The following DCLK2 variants were observed in gnomAD, a reference collection of about 807,000 sequenced individuals.
DCLK2 encodes serine/threonine-protein kinase DCLK2.
In DCLK2, 31 loss-of-function variants were observed where a neutral mutation model predicts 78.4. That is an observed-to-expected ratio of 0.40 (90% confidence interval 0.30 to 0.53). The LOEUF (loss-of-function observed/expected upper bound fraction) is 0.53, where lower values mean the gene tolerates loss of function less well. Among genes scored for constraint, DCLK2 ranks in the 20% least tolerant of loss-of-function variants. The pLI is 0.61. For synonymous variants in DCLK2, 407 were observed against 374.9 expected (o/e 1.09, Z -0.99); for missense variants, 872 against 973.7 (o/e 0.90, Z 1.39).
At chr4:150,191,465 C>T (rs1045102544) in intron 2 of DCLK2, among the ~76,000 whole-genome samples, 1 of 152,004 alleles carries the variant, frequency 6.6e-6, no homozygotes, top group Admixed American at 6.6e-5. Context: ...AGTAGAGACG[C>T]TTGAAAACCA....
chr4:150,169,656 CAA>C (rs60421412), intron 2 of DCLK2, among the ~76,000 whole-genome samples: 10 of 98,068 alleles, frequency 1.0e-4, no homozygotes, highest in Admixed American at 2.2e-4. Context: ...AACTCCGTCT[CAA>C]AAAAAAAAAA....
chr4:150,125,898 A>C (rs578024516), intron 2 of DCLK2, among the ~76,000 whole-genome samples: 9 of 152,146 alleles, frequency 5.9e-5, no homozygotes, highest in African/African-American at 1.7e-4. Flanking sequence ...CTCAAAAAAA[A>C]ACCACAAAAA....
chr4:150,184,499 C>G (rs776261116), intron 2 of DCLK2, among the ~76,000 whole-genome samples: 4 of 152,118 alleles, frequency 2.6e-5, no homozygotes, highest in African/African-American at 9.7e-5. Flanking sequence ...GACACCAACT[C>G]CTGTGTACTT....
At chr4:150,097,172 C>CT (rs35494411) in intron 1 of DCLK2, among the ~76,000 whole-genome samples, 1,341 of 133,960 alleles carry the variant, frequency 0.01, 15 homozygotes, top group South Asian at 0.016. Flanking sequence ...AATTTCTAGC[C>CT]TTTTTTTTTT....
intron 2 of DCLK2, among the ~76,000 whole-genome samples, chr4:150,187,509 C>G (rs1413513676): frequency 6.6e-6 from 1 of 152,150 alleles, no homozygotes; most frequent in Non-Finnish European, 1.5e-5. Flanking sequence ...TCCTGACCAC[C>G]CTCTTTAGTA....
rs1332769742 is a variant in DCLK2 at position 150,203,820 on chromosome 4, T to A, written c.987T>A (p.Leu329=). Residue 329 remains leucine, a synonymous_variant, in exon 5 of 16, where the codon CTT becomes CTA. Transcript: ENST00000296550. The stretch of plus-strand genomic sequence containing the variant: ...TTAATGGAACTCCCAGCAGCCAACT[T>A]TCTACTCCTAAATCTACGAAATCCT... ...ASVNGTPSSQ[L]STPKSTKSSS... The A allele has an allele frequency of 6.2e-7, 1 of 1,614,016 alleles. No homozygotes were observed. Among genetic ancestry groups the A allele is most frequent in the Non-Finnish European group, 8.5e-7 (1 of 1,179,922 alleles).
intron 8 of DCLK2, among the ~76,000 whole-genome samples, chr4:150,225,092 T>C (rs1312478813): frequency 1.3e-5 from 2 of 152,206 alleles, no homozygotes; most frequent in Non-Finnish European, 2.9e-5. Flanking sequence ...ACTCTGAGCT[T>C]AGGAAACCCT....
intron 2 of DCLK2, among the ~76,000 whole-genome samples, chr4:150,114,737 G>A (rs992645309): frequency 1.3e-5 from 2 of 152,184 alleles, no homozygotes. Context: ...GGCTTATAAG[G>A]TTTCTGCTGA....
rs1369308037 is a variant in DCLK2, at chr4:150,220,708, T to A, written c.1062T>A (p.Ile354=). 1.2e-6 allele frequency: 2 copies of A among 1,613,114 alleles called. No individual in the cohort carries two copies. Among genetic ancestry groups the A allele is most frequent in the Admixed American group, 1.7e-5 (1 of 59,950 alleles). Residue 354 remains isoleucine (I), a synonymous_variant, in exon 6 of 16, where the codon ATT becomes ATA. Coordinates refer to ENST00000296550, the MANE Select transcript of DCLK2 (RefSeq NM_001040260.4). ...SPGSFRGLKQ[I]SAHGRSSSNV... ...TGGTCATTCTCCTCTTTCAGCAGAT[T>A]TCTGCTCATGGCAGATCTTCTTCCA...
At chr4:150,164,706 G>A (rs1474692195) in intron 2 of DCLK2, among the ~76,000 whole-genome samples, 1 of 152,184 alleles carries the variant, frequency 6.6e-6, no homozygotes, top group East Asian at 1.9e-4. Flanking sequence ...GGCTGAGGCA[G>A]GAGAATTGCT....
intron 1 of DCLK2, among the ~76,000 whole-genome samples, chr4:150,099,002 C>A (rs527547565): frequency 6.6e-6 from 1 of 150,962 alleles, no homozygotes; most frequent in Non-Finnish European, 1.5e-5. Flanking sequence ...GCCTCTCACA[C>A]TGTTATTTTT....
At chr4:150,099,167 G>C (rs1730690192) in intron 1 of DCLK2, among the ~76,000 whole-genome samples, 1 of 152,084 alleles carries the variant, frequency 6.6e-6, no homozygotes, top group Non-Finnish European at 1.5e-5. Context: ...CTGTGTAGGG[G>C]GAGGCTAATC....
In DCLK2 at chr4:150,232,714, G is replaced by A. The variant is rs779339789; in HGVS notation, c.1452G>A (p.Ser484=). 32 of 1,612,056 alleles carry A rather than the reference G, an allele frequency of 2.0e-5. No individual in the cohort carries two copies. Among genetic ancestry groups the A allele is most frequent in the Non-Finnish European group, 2.3e-5 (27 of 1,179,350 alleles). ...ATCTCTTTGATGCAATTACTTCGTC[G>A]ACCAAGTACACTGAGAGAGATGGCA... ...GGDLFDAITS[S]TKYTERDGSA... Residue 484 remains serine (S), a synonymous_variant, in exon 10 of 16, where the codon TCG becomes TCA. Transcript: ENST00000296550.
At chr4:150,156,738 CTATTTTATT>C (rs536773570) in intron 2 of DCLK2, among the ~76,000 whole-genome samples, 1 of 142,932 alleles carries the variant, frequency 7.0e-6, no homozygotes, top group Non-Finnish European at 1.5e-5. Flanking sequence ...TAGGGAGTAA[CTATTTTATT>C]TATTTATTTA....
At chr4:150,101,619 AAAAG>A (rs1730898514) in intron 1 of DCLK2, among the ~76,000 whole-genome samples, 1 of 152,092 alleles carries the variant, frequency 6.6e-6, no homozygotes, top group African/African-American at 2.4e-5. Context: ...TGACTTTCCT[AAAAG>A]AAAAATTGTG....
intron 5 of DCLK2, among the ~76,000 whole-genome samples, chr4:150,206,321 T>C (rs1225090891): frequency 6.6e-6 from 1 of 152,186 alleles, no homozygotes; most frequent in Non-Finnish European, 1.5e-5. Context: ...ATTATTATAG[T>C]AACCCCAGCA....
At chr4:150,146,065 G>A (rs1319475248) in intron 2 of DCLK2, among the ~76,000 whole-genome samples, 1 of 152,124 alleles carries the variant, frequency 6.6e-6, no homozygotes, top group Non-Finnish European at 1.5e-5. Context: ...ATCTTTAAGT[G>A]CTGGAGGCCA....
chr4:150,099,610 G>T lies in DCLK2; in HGVS notation c.422-2868G>T, dbSNP rs1022481053. Among the ~76,000 whole-genome samples, 3 of 152,306 alleles carry T rather than the reference G, an allele frequency of 2.0e-5. No homozygotes were observed. The South Asian group carries it at 6.2e-4, about 32-fold the overall frequency. On this transcript the variant is annotated intron_variant, in intron 1 of 15. Coordinates refer to ENST00000296550, the MANE Select transcript of DCLK2 (RefSeq NM_001040260.4). Reference sequence around the variant, plus strand: ...CAGTACACAGAAACACTAAAACCATGTGCTGAACCTATGTGCTGTAATGTT... The same window carrying T: ...CAGTACACAGAAACACTAAAACCATTTGCTGAACCTATGTGCTGTAATGTT...
rs57146406 is a variant in DCLK2 at position 150,091,769 on chromosome 4, ATGTGTGTGTGTG to A, written c.422-10681_422-10670del. ...GTTCTTTGTCCTAAAAGGAACATTT[ATGTGTGTGTGTG>A]TGTGTGTGTGTGTGTGTGTGTGTGT... is the stretch of plus-strand genomic sequence containing the variant. On this transcript the variant is annotated intron_variant, in intron 1 of 15. Transcript: ENST00000296550. Among the ~76,000 whole-genome samples the A allele has an allele frequency of 6.0e-5, 7 of 117,110 alleles. No homozygotes were observed. The East Asian group carries it at 6.9e-4, about 12-fold the overall frequency. The allele number at this position is 117,110 out of a possible 152,430, so 76.8% of individuals were successfully genotyped here.
Sources: allele counts gnomAD v4.1 joint callset (sites outside exome capture counted in the v4.1 genomes callset), GRCh38; gene constraint gnomAD v4.1.1; transcripts MANE v1.5; gene names NCBI Gene and HGNC (gene_info 2026-07-23, HGNC 2026-07-21).